The following DYNC1LI2 variants were observed in gnomAD, a reference collection of about 807,000 sequenced individuals.
DYNC1LI2 encodes cytoplasmic dynein 1 light intermediate chain 2.
A neutral mutation model predicts 57.8 loss-of-function variants in DYNC1LI2; 19 were observed. The observed-to-expected ratio is 0.33, with a 90% CI of 0.23 to 0.48. The LOEUF is 0.48. Among genes scored for constraint, DYNC1LI2 ranks in the 20% least tolerant of loss-of-function variants. The pLI, the probability that DYNC1LI2 is intolerant of heterozygous loss-of-function variation, is 0.99. For synonymous variants in DYNC1LI2, 256 were observed against 233.4 expected (o/e 1.10, Z -0.88); for missense variants, 470 against 604.2 (o/e 0.78, Z 2.33).
chr16:66,735,963 C>T, intron 5 of DYNC1LI2, 112 bp downstream of exon 5: 1 of 1,391,472 alleles, frequency 7.2e-7, no homozygotes, highest in Non-Finnish European at 9.7e-7. Flanking sequence ...TAATGAATCT[C>T]AAATAAGCCC....
Position 66,751,277 on chromosome 16 carries a change from G to T in DYNC1LI2, c.177C>A (p.Val59=). Residue 59 remains valine, a synonymous_variant, in exon 2 of 13, where the codon GTC becomes GTA. Transcript: ENST00000258198. The surrounding 1 kb of genome is among the most constrained non-coding windows in gnomAD (Gnocchi z 5.2). The stretch of plus-strand genomic sequence containing the variant: ...CGCCCCGCCGCCGGCGCTCACCGAA[G>T]ACCAGGATGTTCTTGCCGGACGGCA... The part of the protein sequence containing the change: ...SKLPSGKNIL[V]FGEDGSGKTT... The T allele has an allele frequency of 6.2e-7, 1 of 1,611,498 alleles. No individual in the cohort carries two copies. Among genetic ancestry groups the T allele is most frequent in the Non-Finnish European group, 8.5e-7 (1 of 1,178,918 alleles).
chr16:66,748,305 A>AAAAAAAAAAAAAAAAAAAAAAAT (rs1441454828), intron 3 of DYNC1LI2, among the ~76,000 whole-genome samples: 2 of 137,342 alleles, frequency 1.5e-5, no homozygotes, highest in African/African-American at 2.8e-5. Context: ...AAAAAAAAAA[A>AAAAAAAAAAAAAAAAAAAAAAAT]CTAACATAAA....
At chr16:66,740,601 C>A (rs570148437) in intron 4 of DYNC1LI2, among the ~76,000 whole-genome samples, 1 of 152,292 alleles carries the variant, frequency 6.6e-6, no homozygotes, top group South Asian at 2.1e-4. Context: ...TATAACCAAA[C>A]TGAACTTTGA....
Position 66,729,117 on chromosome 16 carries a change from T to C in DYNC1LI2, c.1042-18A>G, listed in dbSNP as rs375195740. 1.2e-5 allele frequency: 19 copies of C among 1,613,846 alleles called. No homozygotes were observed. Among genetic ancestry groups the C allele is most frequent in the East Asian group, 2.2e-5 (1 of 44,894 alleles). On this transcript the variant is annotated intron_variant, in intron 8 of 12. Transcript: ENST00000258198. ...TGGACCAGCTGTGAAACAACATACA[T>C]GTTTGTGGCCACAGGCCAAGAATAC...
rs112085046 is a variant in DYNC1LI2 at position 66,740,092 on chromosome 16, T to C, written c.529+2346A>G. Among the ~76,000 whole-genome samples the C allele has an allele frequency of 3.8e-3, 572 of 152,148 alleles. 3 individuals carry two copies. Among genetic ancestry groups the C allele is most frequent in the Middle Eastern group, 0.014 (4 of 294 alleles). On this transcript the variant is annotated intron_variant, in intron 4 of 12. Coordinates refer to ENST00000258198, the MANE Select transcript of DYNC1LI2 (RefSeq NM_006141.3). ...ATAAGCATAAGAAAAGCCCCATATA[T>C]AAAACAAGAAAGAGAAGACTAAAGT... is the stretch of plus-strand genomic sequence containing the variant.
At chr16:66,730,912 T>C (rs549418353) in intron 7 of DYNC1LI2, 1 of 152,348 alleles carries the variant, frequency 6.6e-6, no homozygotes, top group Non-Finnish European at 1.5e-5. Context: ...AATGGTAAAA[T>C]ACCCTGTATG....
intron 11 of DYNC1LI2, 72 bp downstream of exon 11, chr16:66,727,607 ACTCAGCCAC>A: frequency 2.2e-6 from 3 of 1,382,040 alleles, no homozygotes; most frequent in Non-Finnish European, 3.0e-6. Flanking sequence ...CACCTTATAG[ACTCAGCCAC>A]CCAGCCCCTG....
chr16:66,746,476 A>C (rs982808000), intron 3 of DYNC1LI2, among the ~76,000 whole-genome samples: 3 of 152,234 alleles, frequency 2.0e-5, no homozygotes, highest in Admixed American at 1.3e-4. Flanking sequence ...CAATTCTTCC[A>C]TCAAACAGGA....
At chr16:66,728,969 C>G in intron 9 of DYNC1LI2, 71 bp downstream of exon 9, 1 of 1,560,716 alleles carries the variant, frequency 6.4e-7, no homozygotes, top group Non-Finnish European at 8.8e-7. Flanking sequence ...GCAGACACCC[C>G]CAACCCCACC....
At chr16:66,742,967 T>G (rs1050377359) in intron 3 of DYNC1LI2, among the ~76,000 whole-genome samples, 1 of 152,182 alleles carries the variant, frequency 6.6e-6, no homozygotes, top group Non-Finnish European at 1.5e-5. Flanking sequence ...AAGACCAGCC[T>G]GGCCAACATG....
chr16:66,743,070 G>A lies in DYNC1LI2; in HGVS notation c.299-402C>T, dbSNP rs570669061. ...CCGGCTACTTAGGAGGCTGAGGCAG[G>A]AGAATTGCTTGAACCCAGGAAGTAG... is the stretch of plus-strand genomic sequence containing the variant. On this transcript the variant is annotated intron_variant, in intron 3 of 12. Transcript: ENST00000258198. Among the ~76,000 whole-genome samples, 8 of 152,168 alleles carry A rather than the reference G, an allele frequency of 5.3e-5. No individual in the cohort carries two copies. In the East Asian group the frequency reaches 1.5e-3, roughly 29 times the overall value.
rs10990 is a variant in DYNC1LI2, at chr16:66,727,713, T to C, written c.1236A>G (p.Val412=). 25,735 of 1,614,110 alleles carry C rather than the reference T, an allele frequency of 0.016. 268 individuals are homozygous for C. Among genetic ancestry groups the C allele is most frequent in the Non-Finnish European group, 0.018 (21,167 of 1,179,970 alleles). ...SVPSSSPGTS[V]KKPDPNIKNN... ...TTTTGATGTTTGGGTCCGGCTTTTT[T>C]ACTGACGTGCCTGGGGAGGAGCTAG... Residue 412 remains valine (V), a synonymous_variant, in exon 11 of 13, where the codon GTA becomes GTG. Transcript: ENST00000258198.
chr16:66,723,455 C>G lies in DYNC1LI2; in HGVS notation c.*267G>C, dbSNP rs931185454. The G allele has an allele frequency of 5.3e-6, 3 of 568,460 alleles. No homozygotes were observed. In the African/African-American group the frequency reaches 5.6e-5, roughly 11 times the overall value. The allele number at this position is 568,460 out of a possible 1,614,324, so 35.2% of individuals were successfully genotyped here. A position where few individuals can be genotyped will look rare whatever the true frequency, so the allele number is the denominator to read the frequency against. ...TTCTTTCACTCTACCTTCCCCTCCA[C>G]AAGAAGCCCAGATGTGCTTGCCTCC... On this transcript the variant is annotated 3_prime_UTR_variant, in exon 13 of 13. Coordinates refer to ENST00000258198, the MANE Select transcript of DYNC1LI2 (RefSeq NM_006141.3).
At position 66,725,963 on chromosome 16, in the gene DYNC1LI2, A is replaced by G. The variant is rs1476000013; in HGVS notation, c.1262-19T>C. Reference sequence around the variant, plus strand: ...GCATTATCTAAGGAAAATTAAAGAGAAAAAAAAGCATCATATAAACTGGAA... The same window carrying G: ...GCATTATCTAAGGAAAATTAAAGAGGAAAAAAAGCATCATATAAACTGGAA... On this transcript the variant is annotated intron_variant, in intron 11 of 12. Transcript: ENST00000258198. 1.2e-5 allele frequency: 20 copies of G among 1,600,574 alleles called. No homozygotes were observed. Among genetic ancestry groups the G allele is most frequent in the Non-Finnish European group, 1.5e-5 (18 of 1,175,166 alleles).
chr16:66,748,781 C>T (rs2017986224), intron 3 of DYNC1LI2, among the ~76,000 whole-genome samples: 1 of 152,162 alleles, frequency 6.6e-6, no homozygotes, highest in Non-Finnish European at 1.5e-5. Flanking sequence ...CTCCTATTAA[C>T]ATATGTTAAA....
rs374988035 is a variant in DYNC1LI2, at chr16:66,744,502, C to A, written c.299-1834G>T. 4.5e-4 allele frequency among the ~76,000 whole-genome samples: 68 copies of A among 152,208 alleles called. 1 individual carries two copies. The East Asian group carries it at 0.011, about 25-fold the overall frequency. ...AATGAAACGTGGTTCCAAATGAATA[C>A]CAGGATGATCTAACTGCCGAAGACA... On this transcript the variant is annotated intron_variant, in intron 3 of 12. Coordinates refer to ENST00000258198, the MANE Select transcript of DYNC1LI2 (RefSeq NM_006141.3).
intron 11 of DYNC1LI2, 102 bp downstream of exon 11, chr16:66,727,586 C>A (rs895970395): frequency 4.7e-6 from 5 of 1,072,194 alleles, no homozygotes; most frequent in Non-Finnish European, 6.8e-6. Flanking sequence ...AGCCTGGCTT[C>A]CATGAGTCTC....
intron 4 of DYNC1LI2, among the ~76,000 whole-genome samples, chr16:66,736,597 A>C (rs1015023452): frequency 2.0e-5 from 3 of 152,118 alleles, no homozygotes; most frequent in Non-Finnish European, 4.4e-5. Flanking sequence ...TTCTGAGCTC[A>C]AGTGATCTTC....
chr16:66,745,088 T>C (rs1193630911), intron 3 of DYNC1LI2, among the ~76,000 whole-genome samples: 1 of 151,474 alleles, frequency 6.6e-6, no homozygotes, highest in Non-Finnish European at 1.5e-5. Flanking sequence ...TTTGCATTTT[T>C]AGTAGAGACC....
Sources: allele counts gnomAD v4.1 joint callset (sites outside exome capture counted in the v4.1 genomes callset), GRCh38; gene constraint gnomAD v4.1.1; non-coding constraint Gnocchi (gnomAD v3.1); transcripts MANE v1.5; gene names NCBI Gene and HGNC (gene_info 2026-07-23, HGNC 2026-07-21).